KLF12: variants seen among roughly 807,000 people sequenced by gnomAD.
KLF12 encodes Krueppel-like factor 12.
In KLF12, 9 loss-of-function variants were observed where a neutral mutation model predicts 37.8. The ratio of observed to expected loss-of-function variants is 0.24; its 90% CI spans 0.14 to 0.42. KLF12 has a LOEUF of 0.42. KLF12 is among the 10% of genes least tolerant of loss of function. The pLI is 1.00. For missense variants in KLF12, 411 were observed against 516.0 expected, an observed-to-expected ratio of 0.80 and a Z score of 1.97; for synonymous variants, 208 against 202.1, an observed-to-expected ratio of 1.03 and a Z score of -0.25.
intron 5 of KLF12, among the ~76,000 whole-genome samples, chr13:73,787,399 A>G (rs1011988264): frequency 1.1e-4 from 16 of 152,238 alleles, no homozygotes; most frequent in African/African-American, 3.9e-4. Flanking sequence ...TATTCTCTCC[A>G]GGGTAAAATA....
At chr13:74,077,988 C>T (rs1468240961) in intron 1 of KLF12, among the ~76,000 whole-genome samples, 1 of 152,164 alleles carries the variant, frequency 6.6e-6, no homozygotes, top group Non-Finnish European at 1.5e-5. Flanking sequence ...AACTGGTGGC[C>T]TGGCTTCTTT....
At chr13:73,867,666 C>T (rs145409366) in intron 3 of KLF12, among the ~76,000 whole-genome samples, 43 of 152,074 alleles carry the variant, frequency 2.8e-4, no homozygotes, top group Middle Eastern at 6.8e-3. Flanking sequence ...GATATCTATC[C>T]AATACACAGT....
intron 5 of KLF12, among the ~76,000 whole-genome samples, chr13:73,769,663 C>A (rs1260497537): frequency 6.6e-6 from 1 of 152,088 alleles, no homozygotes; most frequent in Non-Finnish European, 1.5e-5. Context: ...GAAAACCAGA[C>A]CCAGGTTTCT....
At chr13:73,976,046 G>A (rs759013537) in intron 2 of KLF12, among the ~76,000 whole-genome samples, 18 of 152,046 alleles carry the variant, frequency 1.2e-4, no homozygotes, top group Non-Finnish European at 2.9e-5. Context: ...CCGTATTCAT[G>A]GTTGGAAGCT....
chr13:74,127,589 T>C (rs1593922490), intron 1 of KLF12, among the ~76,000 whole-genome samples: 3 of 152,372 alleles, frequency 2.0e-5, no homozygotes, highest in Middle Eastern at 3.4e-3. Context: ...AAATCAGTTA[T>C]ATTGAAGAGA....
intron 1 of KLF12, among the ~76,000 whole-genome samples, chr13:74,036,542 A>C (rs1893250444): frequency 6.6e-6 from 1 of 152,204 alleles, no homozygotes; most frequent in African/African-American, 2.4e-5. Flanking sequence ...AGGTTTTTCA[A>C]CCTGAGGATG....
chr13:74,025,823 T>C (rs1206310872), intron 1 of KLF12, among the ~76,000 whole-genome samples: 1 of 152,154 alleles, frequency 6.6e-6, no homozygotes, highest in Non-Finnish European at 1.5e-5. Flanking sequence ...ACTGCAGATA[T>C]AGCTAAATGA....
chr13:74,177,644 C>T, the KLF12 span, among the ~76,000 whole-genome samples: 40 of 152,134 alleles, frequency 2.6e-4, no homozygotes, highest in African/African-American at 9.6e-4. Context: ...TCACTGGTGA[C>T]AGTAAATTAA....
At chr13:73,827,272 A>G (rs575070371) in intron 4 of KLF12, among the ~76,000 whole-genome samples, 1 of 152,202 alleles carries the variant, frequency 6.6e-6, no homozygotes, top group Non-Finnish European at 1.5e-5. Flanking sequence ...CTTTCTTCAT[A>G]GTATACATCT....
the KLF12 span, among the ~76,000 whole-genome samples, chr13:74,196,682 C>A: frequency 6.6e-6 from 1 of 152,108 alleles, no homozygotes; most frequent in Non-Finnish European, 1.5e-5. Context: ...TTAACCAGCC[C>A]AGTGGTACCT....
the KLF12 span, among the ~76,000 whole-genome samples, chr13:74,278,032 T>A: frequency 6.6e-6 from 1 of 152,164 alleles, no homozygotes; most frequent in African/African-American, 2.4e-5. Flanking sequence ...TGCCTGGTAG[T>A]ATTGTGGGTT....
the KLF12 span, among the ~76,000 whole-genome samples, chr13:74,162,179 A>C: frequency 6.6e-6 from 1 of 152,230 alleles, no homozygotes; most frequent in East Asian, 1.9e-4. Context: ...AGTTAGGACC[A>C]TGGGACCTTT....
chr13:73,825,961 AAATC>A (rs1254526162), intron 4 of KLF12, among the ~76,000 whole-genome samples: 1 of 152,052 alleles, frequency 6.6e-6, no homozygotes, highest in Non-Finnish European at 1.5e-5. Flanking sequence ...TGTCAGGGGC[AAATC>A]AATCATTCAA....
chr13:73,901,614 T>C (rs1888044467), intron 3 of KLF12, among the ~76,000 whole-genome samples: 1 of 151,976 alleles, frequency 6.6e-6, no homozygotes, highest in South Asian at 2.1e-4. Flanking sequence ...CACACAAATC[T>C]TCCTGGTGAC....
chr13:74,191,653 G>C, the KLF12 span, among the ~76,000 whole-genome samples: 1 of 152,112 alleles, frequency 6.6e-6, no homozygotes, highest in Non-Finnish European at 1.5e-5. Context: ...CACAGCTCTA[G>C]CATACAGGCC....
chr13:73,844,860 T>A (rs1020418648), intron 4 of KLF12: 3 of 152,184 alleles, frequency 2.0e-5, no homozygotes, highest in African/African-American at 7.2e-5. Context: ...CCATCATTAT[T>A]TCTAGGCTCT....
At chr13:73,835,094 T>C (rs1884362303) in intron 4 of KLF12, among the ~76,000 whole-genome samples, 1 of 146,288 alleles carries the variant, frequency 6.8e-6, no homozygotes, top group African/African-American at 2.5e-5. Context: ...CCAAATCAAA[T>C]ATAGTCCTAA....
At chr13:73,837,441 A>G (rs1884496189) in intron 4 of KLF12, among the ~76,000 whole-genome samples, 3 of 152,238 alleles carry the variant, frequency 2.0e-5, no homozygotes, top group Non-Finnish European at 4.4e-5. Context: ...GTGCATGCCC[A>G]GAAGTGAAAA....
At chr13:73,902,855 T>C (rs1888099505) in intron 3 of KLF12, among the ~76,000 whole-genome samples, 1 of 152,232 alleles carries the variant, frequency 6.6e-6, no homozygotes, top group Non-Finnish European at 1.5e-5. Context: ...CTAGGATTGC[T>C]GAAAGTTTAA....
Sources: gnomAD v4.1 joint callset for allele counts (sites outside exome capture counted in the v4.1 genomes callset) on GRCh38, gnomAD v4.1.1 for gene constraint, MANE v1.5 for transcripts, NCBI Gene and HGNC (gene_info 2026-07-23, HGNC 2026-07-21) for gene names.